SEMA3D: variants seen among roughly 807,000 people sequenced by gnomAD.
SEMA3D encodes the protein semaphorin 3D, also known as semaphorin-3D.
Under a neutral mutation model 100.1 loss-of-function variants are expected in SEMA3D, and 84 were observed. The observed-to-expected ratio is 0.84, with a 90% CI of 0.70 to 1.01. The LOEUF (loss-of-function observed/expected upper bound fraction) is 1.01, where lower values mean the gene tolerates loss of function less well. Among genes scored for constraint, SEMA3D ranks in the 50% least tolerant of loss-of-function variants. The pLI, the probability that SEMA3D is intolerant of heterozygous loss-of-function variation, is 0.00. For synonymous variants in SEMA3D, 312 were observed against 320.7 expected, an observed-to-expected ratio of 0.97 and a Z score of 0.29; for missense variants, 875 against 934.1, an observed-to-expected ratio of 0.94 and a Z score of 0.82.
At chr7:85,151,059 T>C (rs1424051280) in intron 2 of SEMA3D, among the ~76,000 whole-genome samples, 1 of 151,136 alleles carries the variant, frequency 6.6e-6, no homozygotes, top group African/African-American at 2.4e-5. Flanking sequence ...AATATAAATT[T>C]TAAACAGCAC....
chr7:85,006,645 T>C (rs1453334039), intron 18 of SEMA3D, among the ~76,000 whole-genome samples, 157 bp downstream of exon 18: 1 of 151,992 alleles, frequency 6.6e-6, no homozygotes, highest in East Asian at 1.9e-4. Context: ...CCTATTCTTA[T>C]CTCAAAGCTA....
chr7:85,151,846 T>C (rs1401762093), intron 2 of SEMA3D: 1 of 448,430 alleles, frequency 2.2e-6, no homozygotes, highest in Non-Finnish European at 2.9e-6. Flanking sequence ...AAAAAAAGTT[T>C]TTTGACCTTA....
chr7:85,154,519 G>C (rs1480412418), intron 1 of SEMA3D, among the ~76,000 whole-genome samples: 1 of 152,006 alleles, frequency 6.6e-6, no homozygotes, highest in Admixed American at 6.6e-5. Flanking sequence ...TCTGTACCAA[G>C]GCTGACCAGA....
chr7:85,117,313 C>A (rs542738811), intron 3 of SEMA3D, among the ~76,000 whole-genome samples: 1 of 152,234 alleles, frequency 6.6e-6, no homozygotes, highest in African/African-American at 2.4e-5. Flanking sequence ...ACCAGAACCA[C>A]CCAGCTAAGC....
intron 12 of SEMA3D, among the ~76,000 whole-genome samples, chr7:85,032,445 A>C (rs765530672): frequency 2.0e-5 from 3 of 152,190 alleles, no homozygotes; most frequent in Non-Finnish European, 2.9e-5. Context: ...TCTATGCATG[A>C]TTTCAGACAT....
intron 2 of SEMA3D, among the ~76,000 whole-genome samples, chr7:85,137,210 A>T (rs1789892249): frequency 6.6e-6 from 1 of 151,982 alleles, no homozygotes; most frequent in Admixed American, 6.6e-5. Context: ...TATCAAATAG[A>T]GAAGTAACAT....
chr7:85,060,033 A>G (rs1791430430), intron 8 of SEMA3D, among the ~76,000 whole-genome samples: 1 of 152,030 alleles, frequency 6.6e-6, no homozygotes, highest in Non-Finnish European at 1.5e-5. Context: ...GAGCATGGAT[A>G]TTTTTCCAAG....
intron 1 of SEMA3D, among the ~76,000 whole-genome samples, chr7:85,158,367 C>T (rs554490662): frequency 8.5e-5 from 13 of 152,202 alleles, no homozygotes; most frequent in South Asian, 4.1e-4. Flanking sequence ...GCTTTGGGGA[C>T]GGCTGTCTTT....
the SEMA3D span, among the ~76,000 whole-genome samples, chr7:85,202,230 C>T: frequency 2.5e-5 from 3 of 121,432 alleles, no homozygotes; most frequent in South Asian, 3.0e-4. Context: ...CACAACAGTC[C>T]GCAGAATGTG....
the SEMA3D span, among the ~76,000 whole-genome samples, chr7:85,244,710 T>C: frequency 1.9e-5 from 1 of 53,202 alleles, no homozygotes; most frequent in Non-Finnish European, 5.8e-5. Context: ...TGCACAATCT[T>C]TTTTTTTTTT....
upstream of SEMA3D, among the ~76,000 whole-genome samples, chr7:85,187,663 T>C (rs1364695453): frequency 6.6e-6 from 1 of 152,166 alleles, no homozygotes; most frequent in African/African-American, 2.4e-5. Flanking sequence ...GCACCCCTTA[T>C]TCACACAGTA....
Position 85,055,798 on chromosome 7 carries a change from T to C in SEMA3D, c.780A>G (p.Ile260Met). Reference protein sequence around the residue: ...PDTYNPDDDKIYFFFRESSQE... With the variant: ...PDTYNPDDDKMYFFFRESSQE... ...GAGATGATTCACGAAAGAAGAAATA[T>C]ATTTTATCATCATCTGGATTGTAGG... The change falls in exon 9 of 19, where the codon ATA becomes ATG. Residue 260 changes from isoleucine to methionine, a missense_variant. Physicochemically the swap from Ile to Met is conservative, Grantham distance 10 (BLOSUM62 1). Transcript: ENST00000284136. The C allele has an allele frequency of 1.3e-6, 2 of 1,573,236 alleles. No individual in the cohort carries two copies. Among genetic ancestry groups the C allele is most frequent in the Non-Finnish European group, 8.7e-7 (1 of 1,146,326 alleles).
chr7:85,172,661 G>A (rs1791115703), intron 1 of SEMA3D, among the ~76,000 whole-genome samples: 1 of 152,048 alleles, frequency 6.6e-6, no homozygotes. Flanking sequence ...GATTGCACAA[G>A]TGCTGTACTG....
In SEMA3D at chr7:85,121,861, C is replaced by T; in HGVS notation, c.31G>A (p.Ala11Thr). MNANKDERLK[A>T]RSQDFHLFPA... The stretch of plus-strand genomic sequence containing the variant: ...AAAAGGTGAAAATCTTGGCTTCTGG[C>T]TTTAAGTCTTTCATCTTTATTAGCA... The change falls in exon 3 of 19, where the codon GCC becomes ACC. Residue 11 changes from alanine to threonine, a missense_variant. Transcript: ENST00000284136. 2 of 1,594,012 alleles carry T rather than the reference C, an allele frequency of 1.3e-6. No individual in the cohort carries two copies. Among genetic ancestry groups the T allele is most frequent in the Non-Finnish European group, 1.7e-6 (2 of 1,165,108 alleles).
intron 1 of SEMA3D, among the ~76,000 whole-genome samples, chr7:85,158,993 T>C (rs556740387): frequency 6.6e-6 from 1 of 152,324 alleles, no homozygotes; most frequent in East Asian, 1.9e-4. Flanking sequence ...ACTGTGTCTA[T>C]TGTGTCTAAC....
intron 4 of SEMA3D, among the ~76,000 whole-genome samples, chr7:85,090,542 G>T (rs1388354012): frequency 6.6e-6 from 1 of 152,088 alleles, no homozygotes; most frequent in Non-Finnish European, 1.5e-5. Context: ...TATTAAATAA[G>T]AATTAAAAGA....
chr7:85,101,440 G>C lies in SEMA3D; in HGVS notation c.152-3475C>G, dbSNP rs117688767. Among the ~76,000 whole-genome samples, 5 of 151,994 alleles carry C rather than the reference G, an allele frequency of 3.3e-5. No homozygotes were observed. In the East Asian group the frequency reaches 5.8e-4, roughly 18 times the overall value. ...GTAAGAATATGAATTTTAGGTTCAG[G>C]CCACCAGGGCATTATCCTGCCTCCC... is the stretch of plus-strand genomic sequence containing the variant. On this transcript the variant is annotated intron_variant, in intron 3 of 18. Coordinates refer to ENST00000284136, the MANE Select transcript of SEMA3D (RefSeq NM_001384900.1).
intron 2 of SEMA3D, among the ~76,000 whole-genome samples, chr7:85,127,903 T>C (rs1237423525): frequency 6.6e-6 from 1 of 152,092 alleles, no homozygotes; most frequent in Non-Finnish European, 1.5e-5. Context: ...TCTTATAATA[T>C]GCTTTTGGAT....
At chr7:85,134,693 T>G (rs1199778589) in intron 2 of SEMA3D, among the ~76,000 whole-genome samples, 1 of 152,028 alleles carries the variant, frequency 6.6e-6, no homozygotes, top group African/African-American at 2.4e-5. Flanking sequence ...GAGTCAGATG[T>G]GAGTATTTAT....
Sources: allele counts gnomAD v4.1 joint callset (sites outside exome capture counted in the v4.1 genomes callset), GRCh38; gene constraint gnomAD v4.1.1; transcripts MANE v1.5; gene names NCBI Gene and HGNC (gene_info 2026-07-23, HGNC 2026-07-21).